Variants in NFKBIE observed in about 807,000 individuals in gnomAD.
NFKBIE encodes NF-kappa-B inhibitor epsilon.
Under a neutral mutation model 31.6 loss-of-function variants are expected in NFKBIE, and 11 were observed. The observed-to-expected ratio is 0.35, with a 90% confidence interval of 0.22 to 0.58. The LOEUF (loss-of-function observed/expected upper bound fraction) is 0.58, where lower values mean the gene tolerates loss of function less well. Ranked by LOEUF, NFKBIE falls within the 20% of genes least tolerant of loss-of-function variation. NFKBIE has a pLI of 0.83. For missense variants in NFKBIE, 354 were observed against 465.7 expected, an observed-to-expected ratio of 0.76 and a Z score of 2.21; for synonymous variants, 208 against 210.1, an observed-to-expected ratio of 0.99 and a Z score of 0.09.
At position 44,262,641 on chromosome 6, in the gene NFKBIE, A is replaced by G; in HGVS notation, c.387T>C (p.Ile129=). 6.2e-7 allele frequency: 1 copy of G among 1,614,126 alleles called. No homozygotes were observed. Among genetic ancestry groups the G allele is most frequent in the East Asian group, 2.2e-5 (1 of 44,882 alleles). ...DGDTLVHLAV[I]HEAPAVLLCC... ...AGAGCAGCACCGCTGGGGCCTCATG[A>G]ATCACTGCCAGGTGGACCAGCCTAG... Residue 129 remains isoleucine, a synonymous_variant, in exon 2 of 6, where the codon ATT becomes ATC. Coordinates refer to ENST00000619360, the MANE Select transcript of NFKBIE (RefSeq NM_004556.3).
intron 1 of NFKBIE, among the ~76,000 whole-genome samples, chr6:44,264,377 G>C (rs910015574): frequency 2.0e-5 from 3 of 152,362 alleles, no homozygotes; most frequent in African/African-American, 7.2e-5. Flanking sequence ...TGGAGGTAGA[G>C]GATGTCAGGG....
chr6:44,264,340 CA>C (rs1334622479), intron 1 of NFKBIE, among the ~76,000 whole-genome samples: 1 of 152,212 alleles, frequency 6.6e-6, no homozygotes, highest in Non-Finnish European at 1.5e-5. Flanking sequence ...GGGAGTGAGA[CA>C]CGACAGTTAG....
Position 44,260,864 on chromosome 6 carries a change from C to CAGAG in NFKBIE, c.692-326_692-325insCTCT, listed in dbSNP as rs1436911299. ...ACACACACACACACACATACAGACA[C>CAGAG]ACACACACACACACACACACACACA... On this transcript the variant is annotated intron_variant, in intron 3 of 5. Transcript: ENST00000619360. This position sits in a 1 kb window ranked among gnomAD's most constrained non-coding sequence, Gnocchi z 5.5. 1.0e-4 allele frequency among the ~76,000 whole-genome samples: 11 copies of CAGAG among 107,280 alleles called. No individual in the cohort carries two copies. In the South Asian group the frequency reaches 2.7e-3, roughly 26 times the overall value. 70.4% of individuals were successfully genotyped at this position (107,280 alleles called of 152,430 possible). A position where few individuals can be genotyped will look rare whatever the true frequency, so the allele number is the denominator to read the frequency against.
chr6:44,262,668 G>A lies in NFKBIE; in HGVS notation c.366-6C>T, dbSNP rs771799049. The stretch of plus-strand genomic sequence containing the variant: ...TCACTGCCAGGTGGACCAGCCTAGG[G>A]GAGCAGAGGCGGGGCTTAGAGTTAA... On this transcript the variant is annotated splice_region_variant and splice_polypyrimidine_tract_variant and intron_variant, in intron 1 of 5. Transcript: ENST00000619360. 4 of 1,613,076 alleles carry A rather than the reference G, an allele frequency of 2.5e-6. No homozygotes were observed. The highest frequency in any genetic ancestry group is 3.4e-6 in the Non-Finnish European group (4 of 1,179,158).
intron 1 of NFKBIE, among the ~76,000 whole-genome samples, chr6:44,264,061 A>G (rs1782024233): frequency 6.6e-6 from 1 of 152,088 alleles, no homozygotes; most frequent in South Asian, 2.1e-4. Context: ...AGGACCCTGC[A>G]TCTCCAAAAA....
In NFKBIE at chr6:44,265,450, C is replaced by A; in HGVS notation, c.-104G>T. 1 of 1,509,840 alleles carries A rather than the reference C, an allele frequency of 6.6e-7. No homozygotes were observed. The highest frequency in any genetic ancestry group is 2.2e-5 in the Admixed American group (1 of 45,284). The allele number at this position is 1,509,840 out of a possible 1,614,324, so 93.5% of individuals were successfully genotyped here. A position where few individuals can be genotyped will look rare whatever the true frequency, so the allele number is the denominator to read the frequency against. ...CGGGTCCGCTTGGCAGAGCGGGCGC[C>A]CGGCCCGCGGCGGCCTCCTTCCCGG... On this transcript the variant is annotated 5_prime_UTR_variant, in exon 1 of 6. Coordinates refer to ENST00000619360, the MANE Select transcript of NFKBIE (RefSeq NM_004556.3).
chr6:44,265,291 C>A lies in NFKBIE; in HGVS notation c.56G>T (p.Gly19Val). The change falls in exon 1 of 6, where the codon GGC becomes GTC. Residue 19 changes from glycine to valine, a missense_variant. By Grantham distance (109) the Gly-to-Val change is moderately radical (BLOSUM62 -3). This residue lies in a region of NFKBIE where 171 missense variants were observed against 155.1 expected (regional missense o/e 1.10). Transcript: ENST00000619360. ...GCGCAGAGAGCGCAGAGACTCAATG[C>A]CAGAGTCGTACTGGCTCTCCTCCGC... Reference protein sequence around the residue: ...DEAEESQYDSGIESLRSLRSL... With the variant: ...DEAEESQYDSVIESLRSLRSL... 1 of 1,549,960 alleles carries A rather than the reference C, an allele frequency of 6.5e-7. No individual in the cohort carries two copies.
In NFKBIE at chr6:44,260,713, G is replaced by A. The variant is rs890691507; in HGVS notation, c.692-174C>T. 9.2e-5 allele frequency among the ~76,000 whole-genome samples: 14 copies of A among 152,178 alleles called. No homozygotes were observed. Among genetic ancestry groups the A allele is most frequent in the Middle Eastern group, 3.4e-3 (1 of 294 alleles). On this transcript the variant is annotated intron_variant, in intron 3 of 5. Transcript: ENST00000619360. This position sits in a 1 kb window ranked among gnomAD's most constrained non-coding sequence, Gnocchi z 5.5. ...ACCCCCTCAAAAGTCTAAGGGGAAA[G>A]GAACTCAAAGTTTCCACCTTTTCAG...
In NFKBIE at chr6:44,265,538, AC is replaced by A. The variant is rs747579589; in HGVS notation, c.-193del. 6.4e-7 allele frequency: 1 copy of A among 1,572,100 alleles called. No homozygotes were observed. The highest frequency in any genetic ancestry group is 1.2e-5 in the South Asian group (1 of 85,890). The stretch of plus-strand genomic sequence containing the variant: ...AAGGTTCGGAGCGCTGGCCAGGTCC[AC>A]CCAGCGGTTACTGTGGGCAGCCGAA... On this transcript the variant is annotated 5_prime_UTR_variant, in exon 1 of 6. Coordinates refer to ENST00000619360, the MANE Select transcript of NFKBIE (RefSeq NM_004556.3).
In NFKBIE at chr6:44,258,181, C is replaced by A. The variant is rs1040094367; in HGVS notation, c.*1038G>T. 3 of 152,280 alleles carry A rather than the reference C, an allele frequency of 2.0e-5. No individual in the cohort carries two copies. Among genetic ancestry groups the A allele is most frequent in the African/African-American group, 7.2e-5 (3 of 41,456 alleles). 9.4% of individuals were successfully genotyped at this position (152,280 alleles called of 1,614,324 possible). ...CACCCACTGCAACTTGGAAAGGCATCTTTATTTGGATGTTTATGCTTTTAA... is the reference window on the plus strand; with the variant it reads ...CACCCACTGCAACTTGGAAAGGCATATTTATTTGGATGTTTATGCTTTTAA... On this transcript the variant is annotated 3_prime_UTR_variant, in exon 6 of 6. Transcript: ENST00000619360.
In NFKBIE at chr6:44,260,994, C is replaced by T. The variant is rs1434721005; in HGVS notation, c.692-455G>A. Among the ~76,000 whole-genome samples the T allele has an allele frequency of 6.6e-6, 1 of 152,166 alleles. No individual in the cohort carries two copies. Among genetic ancestry groups the T allele is most frequent in the African/African-American group, 2.4e-5 (1 of 41,430 alleles). The stretch of plus-strand genomic sequence containing the variant: ...AGGGGCCGCTTCCTTCTGTGCTCCC[C>T]TGGCCTTTTTGCTCTCCTTTCTAGT... On this transcript the variant is annotated intron_variant, in intron 3 of 5. Coordinates refer to ENST00000619360, the MANE Select transcript of NFKBIE (RefSeq NM_004556.3). This position sits in a 1 kb window ranked among gnomAD's most constrained non-coding sequence, Gnocchi z 5.5.
rs1561913330 is a variant in NFKBIE, at chr6:44,260,239, G to A, written c.824C>T (p.Thr275Ile). Residue 275 changes from threonine (T) to isoleucine (I), a missense_variant, in exon 5 of 6, where the codon ACC becomes ATC. Coordinates refer to ENST00000619360, the MANE Select transcript of NFKBIE (RefSeq NM_004556.3). This position sits in a 1 kb window ranked among gnomAD's most constrained non-coding sequence, Gnocchi z 5.5. ...GAACTGTACCAGGCCCCGCTCTTGG[G>A]TTTCCACAGCCAGGTGCAGCGCTGT... ...GKTALHLAVE[T>I]QERGLVQFLL... is the part of the protein sequence containing the mutation. 8.1e-6 allele frequency: 13 copies of A among 1,613,446 alleles called. No individual in the cohort carries two copies. Among genetic ancestry groups the A allele is most frequent in the Non-Finnish European group, 1.1e-5 (13 of 1,179,432 alleles).
chr6:44,262,451 G>A, intron 2 of NFKBIE, 109 bp downstream of exon 2: 2 of 894,724 alleles, frequency 2.2e-6, no homozygotes, highest in Non-Finnish European at 3.6e-6. Flanking sequence ...CTAGCTCAGT[G>A]TCTGGCATAT....
chr6:44,262,527 G>A, intron 2 of NFKBIE, 33 bp downstream of exon 2: 2 of 1,576,282 alleles, frequency 1.3e-6, no homozygotes, highest in Non-Finnish European at 8.7e-7. Context: ...GGCACAAACA[G>A]GTATCTGGGC....
In NFKBIE at chr6:44,261,927, C is replaced by T; in HGVS notation, c.469-79G>A. The T allele has an allele frequency of 7.7e-7, 1 of 1,290,652 alleles. No homozygotes were observed. The highest frequency in any genetic ancestry group is 1.5e-5 in the African/African-American group (1 of 67,886). The allele number at this position is 1,290,652 out of a possible 1,614,324, so 79.9% of individuals were successfully genotyped here. On this transcript the variant is annotated intron_variant, in intron 2 of 5. Transcript: ENST00000619360. The surrounding 1 kb of genome is among the most constrained non-coding windows in gnomAD (Gnocchi z 4.3). ...GGAACATGCTTGGGCTCAAGAATCA[C>T]CAGCTGCCAGCATCTTCTTTGAAAG... is the stretch of plus-strand genomic sequence containing the variant.
Position 44,259,223 on chromosome 6 carries a change from T to A in NFKBIE, c.1082A>T (p.Asp361Val). The A allele has an allele frequency of 6.2e-7, 1 of 1,613,276 alleles. No individual in the cohort carries two copies. The highest frequency in any genetic ancestry group is 8.5e-7 in the Non-Finnish European group (1 of 1,179,554). The change falls in exon 6 of 6, where the codon GAC becomes GTC. Residue 361 changes from aspartate to valine, a missense_variant. Around this residue, in one of 2 missense-constraint regions of NFKBIE, gnomAD observed 183 missense variants for 310.6 expected, o/e 0.59. Transcript: ENST00000619360. ...KISGKLLLCTD is the reference protein window; with the variant it reads ...KISGKLLLCTV ...GATCCCAGACCCTGCCTGGCTTCAG[T>A]CGGTACACAGCAGCAGTTTCCCTGA...
In NFKBIE at chr6:44,264,999, G is replaced by A. The variant is rs1782065950; in HGVS notation, c.348C>T (p.Ile116=). Residue 116 remains isoleucine (I), a synonymous_variant, in exon 1 of 6, where the codon ATC becomes ATT. Transcript: ENST00000619360. ...ATACTCACGTGTCTCCGTCCTCGGAGATGTAAGTGAGTGCTTCCAGCTGCT... is the reference window on the plus strand; with the variant it reads ...ATACTCACGTGTCTCCGTCCTCGGAAATGTAAGTGAGTGCTTCCAGCTGCT... ...SPQQLEALTY[I]SEDGDTLVHL... 4 of 1,577,670 alleles carry A rather than the reference G, an allele frequency of 2.5e-6. No individual in the cohort carries two copies. The highest frequency in any genetic ancestry group is 2.3e-5 in the East Asian group (1 of 43,800).
chr6:44,263,470 G>A lies in NFKBIE; in HGVS notation c.366-808C>T, dbSNP rs1460528421. 6.6e-6 allele frequency among the ~76,000 whole-genome samples: 1 copy of A among 152,074 alleles called. No homozygotes were observed. Among genetic ancestry groups the A allele is most frequent in the African/African-American group, 2.4e-5 (1 of 41,396 alleles). On this transcript the variant is annotated intron_variant, in intron 1 of 5. Transcript: ENST00000619360. This position sits in a 1 kb window ranked among gnomAD's most constrained non-coding sequence, Gnocchi z 5.0. ...CCTTGGGGCATTAGTGAGGGGGGTA[G>A]ATTGGCTAAAAGGCCCGTCTGGGCT...
chr6:44,265,400 T>G lies in NFKBIE; in HGVS notation c.-54A>C, dbSNP rs758527854. On this transcript the variant is annotated 5_prime_UTR_variant, in exon 1 of 6. Coordinates refer to ENST00000619360, the MANE Select transcript of NFKBIE (RefSeq NM_004556.3). ...GTCTGAGCAGGATCCGGCTCCAGGCTCCGCCGCGCCGCCTTTCCGGGTTGC... is the reference window on the plus strand; with the variant it reads ...GTCTGAGCAGGATCCGGCTCCAGGCGCCGCCGCGCCGCCTTTCCGGGTTGC... 9.7e-5 allele frequency: 151 copies of G among 1,549,594 alleles called. No individual in the cohort carries two copies. The highest frequency in any genetic ancestry group is 1.2e-4 in the Non-Finnish European group (144 of 1,155,308).
Sources: gnomAD v4.1 joint callset for allele counts (sites outside exome capture counted in the v4.1 genomes callset) on GRCh38, gnomAD v4.1.1 for gene constraint, gnomAD v4.1.1 regional missense constraint, Gnocchi (gnomAD v3.1) non-coding constraint, MANE v1.5 for transcripts, NCBI Gene and HGNC (gene_info 2026-07-23, HGNC 2026-07-21) for gene names.